SNX1: variants seen among roughly 807,000 people sequenced by gnomAD.
The protein encoded by SNX1 is sorting nexin-1.
In SNX1, 36 loss-of-function variants were observed where a neutral mutation model predicts 71.8. The ratio of observed to expected loss-of-function variants is 0.50; its 90% CI spans 0.38 to 0.66. The LOEUF (loss-of-function observed/expected upper bound fraction) is 0.66, where lower values mean the gene tolerates loss of function less well. Among genes scored for constraint, SNX1 ranks in the 30% least tolerant of loss-of-function variants. SNX1 has a pLI of 0.00. For missense variants in SNX1, 612 were observed against 646.7 expected, an observed-to-expected ratio of 0.95 and a Z score of 0.58; for synonymous variants, 254 against 240.7, an observed-to-expected ratio of 1.06 and a Z score of -0.51.
chr15:64,107,883 T>C (rs1055472321), intron 1 of SNX1, among the ~76,000 whole-genome samples: 6 of 152,158 alleles, frequency 3.9e-5, no homozygotes. Flanking sequence ...TACTGACTGC[T>C]AAGGAGTTTT....
intron 4 of SNX1, among the ~76,000 whole-genome samples, chr15:64,119,429 C>T (rs1446086593): frequency 1.3e-5 from 2 of 152,098 alleles, no homozygotes; most frequent in African/African-American, 4.8e-5. Flanking sequence ...GCTAGAGTCT[C>T]TTTTTAAAAA....
intron 2 of SNX1, among the ~76,000 whole-genome samples, chr15:64,117,253 G>A (rs8033929): frequency 0.99 from 151,232 of 152,300 alleles, 75,098 homozygotes; most frequent in East Asian, 1. Flanking sequence ...TCTTTTACAA[G>A]CAATTTTTTT....
chr15:64,106,191 A>G (rs904769874), intron 1 of SNX1, among the ~76,000 whole-genome samples: 5 of 152,124 alleles, frequency 3.3e-5, no homozygotes, highest in Non-Finnish European at 7.3e-5. Flanking sequence ...TTTATGATTA[A>G]TGTATATGCC....
Position 64,137,668 on chromosome 15 carries a change from C to T in SNX1, c.*50C>T, listed in dbSNP as rs2081373154. The T allele has an allele frequency of 2.5e-6, 4 of 1,613,252 alleles. No homozygotes were observed. Among genetic ancestry groups the T allele is most frequent in the Non-Finnish European group, 3.4e-6 (4 of 1,179,474 alleles). On this transcript the variant is annotated 3_prime_UTR_variant, in exon 15 of 15. Coordinates refer to ENST00000559844, the MANE Select transcript of SNX1 (RefSeq NM_003099.5). The stretch of plus-strand genomic sequence containing the variant: ...CTGTGTGACGCTGCCTTTTTATACA[C>T]TGTCCTCCTCCACCTTGATGGACCC...
Position 64,138,320 on chromosome 15 carries a change from TCTC to T in SNX1, c.*703_*705del. 2 of 756,166 alleles carry T rather than the reference TCTC, an allele frequency of 2.6e-6. No homozygotes were observed. Among genetic ancestry groups the T allele is most frequent in the Non-Finnish European group, 1.9e-6 (1 of 529,612 alleles). The allele number at this position is 756,166 out of a possible 1,614,324, so 46.8% of individuals were successfully genotyped here. A position where few individuals can be genotyped will look rare whatever the true frequency, so the allele number is the denominator to read the frequency against. ...CTGCAAAGGAGGCAGAGACTTTCTC[TCTC>T]TCTTTTTTTTTTTTTTTTGGTGTCC... On this transcript the variant is annotated 3_prime_UTR_variant, in exon 15 of 15. Coordinates refer to ENST00000559844, the MANE Select transcript of SNX1 (RefSeq NM_003099.5).
chr15:64,096,258 A>G, intron 1 of SNX1, 86 bp downstream of exon 1: 1 of 1,470,318 alleles, frequency 6.8e-7, no homozygotes, highest in Non-Finnish European at 9.1e-7. Context: ...GGTTGGGCAG[A>G]GTGGGCCCGG....
intron 1 of SNX1, among the ~76,000 whole-genome samples, chr15:64,098,267 A>G (rs959702602): frequency 6.6e-6 from 1 of 152,226 alleles, no homozygotes; most frequent in Admixed American, 6.5e-5. Context: ...TACTGTTGGT[A>G]ACTGCTGGAA....
intron 2 of SNX1, among the ~76,000 whole-genome samples, chr15:64,117,899 G>A (rs1043380644): frequency 1.3e-5 from 2 of 152,160 alleles, no homozygotes; most frequent in African/African-American, 4.8e-5. Flanking sequence ...GGTTGTATTT[G>A]GAAAGAAGGA....
rs532879409 is a variant in SNX1, at chr15:64,126,090, A to G, written c.522A>G (p.Pro174=). The change falls in exon 6 of 15, where the codon CCA becomes CCG. Residue 174 remains proline, a synonymous_variant. Coordinates refer to ENST00000559844, the MANE Select transcript of SNX1 (RefSeq NM_003099.5). The part of the protein sequence containing the change: ...AYKVTTQTSL[P]LFRSKQFAVK... ...TTCCTGTCCCCAAGACAAGCTTACCATTGTTCAGAAGCAAACAGTTTGCAG... is the reference window on the plus strand; with the variant it reads ...TTCCTGTCCCCAAGACAAGCTTACCGTTGTTCAGAAGCAAACAGTTTGCAG... 1 of 1,614,080 alleles carries G rather than the reference A, an allele frequency of 6.2e-7. No individual in the cohort carries two copies. Among genetic ancestry groups the G allele is most frequent in the Non-Finnish European group, 8.5e-7 (1 of 1,179,982 alleles).
intron 7 of SNX1, 82 bp downstream of exon 7, chr15:64,127,334 C>T (rs571395196): frequency 9.4e-7 from 1 of 1,069,006 alleles, no homozygotes; most frequent in Admixed American, 2.3e-5. Context: ...CGAGACAGTC[C>T]ATTGAGTTAG....
At chr15:64,123,778 G>A (rs1490340108) in intron 5 of SNX1, among the ~76,000 whole-genome samples, 1 of 152,048 alleles carries the variant, frequency 6.6e-6, no homozygotes, top group Non-Finnish European at 1.5e-5. Flanking sequence ...CTATTAACTC[G>A]TGGTATATCT....
At position 64,112,915 on chromosome 15, in the gene SNX1, TAAAC is replaced by T. The variant is rs1185173848; in HGVS notation, c.271+234_271+237del. 5.3e-5 allele frequency among the ~76,000 whole-genome samples: 8 copies of T among 152,184 alleles called. No homozygotes were observed. In the East Asian group the frequency reaches 1.3e-3, roughly 26 times the overall value. On this transcript the variant is annotated intron_variant, in intron 2 of 14. Transcript: ENST00000559844. ...TGTTTAAGAAGGTGAGTTAAACTGTTAAACAATAACAGAAATGCAGTTGGAGGAA... is the reference window on the plus strand; with the variant it reads ...TGTTTAAGAAGGTGAGTTAAACTGTTAATAACAGAAATGCAGTTGGAGGAA...
At position 64,138,297 on chromosome 15, in the gene SNX1, G is replaced by A. The variant is rs2140165237; in HGVS notation, c.*679G>A. ...AAAATCTATTAAAACCTATTCTCCT[G>A]CAAAGGAGGCAGAGACTTTCTCTCT... On this transcript the variant is annotated 3_prime_UTR_variant, in exon 15 of 15. Transcript: ENST00000559844. 1.9e-6 allele frequency: 2 copies of A among 1,055,100 alleles called. No homozygotes were observed. The highest frequency in any genetic ancestry group is 2.6e-6 in the Non-Finnish European group (2 of 783,422). The allele number at this position is 1,055,100 out of a possible 1,614,324, so 65.4% of individuals were successfully genotyped here.
intron 14 of SNX1, among the ~76,000 whole-genome samples, 198 bp downstream of exon 14, chr15:64,137,130 T>C (rs112998653): frequency 6.6e-6 from 1 of 152,254 alleles, no homozygotes; most frequent in African/African-American, 2.4e-5. Flanking sequence ...AGGGCCCAGG[T>C]CTGCTGCCCT....
At chr15:64,135,051 C>A (rs940922692) in intron 12 of SNX1, 9 of 492,096 alleles carry the variant, frequency 1.8e-5, no homozygotes, top group African/African-American at 1.4e-4. Context: ...TGGTGGCTCG[C>A]GCCTGTAATC....
At chr15:64,131,645 T>C (rs1463360125) in intron 10 of SNX1, 42 bp from the exon 11 acceptor site, 9 of 1,591,660 alleles carry the variant, frequency 5.7e-6, no homozygotes, top group Non-Finnish European at 7.7e-6. Flanking sequence ...CCCTTTTCCT[T>C]GTGAGATCAG....
chr15:64,137,038 T>TG (rs1240557425), intron 14 of SNX1, 106 bp downstream of exon 14: 1 of 819,564 alleles, frequency 1.2e-6, no homozygotes, highest in Non-Finnish European at 2.0e-6. Context: ...TCTGAGGGGC[T>TG]GGGCCCTCCT....
chr15:64,115,649 G>T, intron 2 of SNX1: 1 of 293,822 alleles, frequency 3.4e-6, no homozygotes, highest in South Asian at 2.6e-5. Context: ...CTGCAGCCCC[G>T]ACCTCCCAGG....
In SNX1 at chr15:64,141,726, T is replaced by C. The variant is rs1294455722; in HGVS notation, c.*4108T>C. 6.6e-6 allele frequency: 1 copy of C among 152,284 alleles called. No individual in the cohort carries two copies. Among genetic ancestry groups the C allele is most frequent in the African/African-American group, 2.4e-5 (1 of 41,434 alleles). The allele number at this position is 152,284 out of a possible 1,614,324, so 9.4% of individuals were successfully genotyped here. On this transcript the variant is annotated 3_prime_UTR_variant, in exon 15 of 15. Coordinates refer to ENST00000559844, the MANE Select transcript of SNX1 (RefSeq NM_003099.5). This position sits in a 1 kb window ranked among gnomAD's most constrained non-coding sequence, Gnocchi z 5.1. ...TGGGAGGCGCTTTCCACATTACCAT[T>C]GTCGCTTCGTGATCTGGACACACCA...
Sources: allele counts gnomAD v4.1 joint callset (sites outside exome capture counted in the v4.1 genomes callset), GRCh38; gene constraint gnomAD v4.1.1; non-coding constraint Gnocchi (gnomAD v3.1); transcripts MANE v1.5; gene names NCBI Gene and HGNC (gene_info 2026-07-23, HGNC 2026-07-21).